The following SAMD14 variants were observed in gnomAD, a reference collection of about 807,000 sequenced individuals.
The protein encoded by SAMD14 is sterile alpha motif domain-containing protein 14.
Under a neutral mutation model 46.2 loss-of-function variants are expected in SAMD14, and 27 were observed. That is an observed-to-expected ratio of 0.58 (90% confidence interval 0.43 to 0.81). The LOEUF (loss-of-function observed/expected upper bound fraction) is 0.81, where lower values mean the gene tolerates loss of function less well. Ranked by LOEUF, SAMD14 falls within the 30% of genes least tolerant of loss-of-function variation. SAMD14 has a pLI of 0.00. For synonymous variants in SAMD14, 241 were observed against 254.3 expected (o/e 0.95, Z 0.50); for missense variants, 559 against 582.2 (o/e 0.96, Z 0.41).
At chr17:50,120,445 A>G (rs1911450569) in intron 2 of SAMD14, among the ~76,000 whole-genome samples, 1 of 152,134 alleles carries the variant, frequency 6.6e-6, no homozygotes, top group African/African-American at 2.4e-5. Flanking sequence ...AGCCTGGATT[A>G]TTACAAACAG....
At chr17:50,125,286 T>C (rs1911713628) in intron 1 of SAMD14, 1 of 335,640 alleles carries the variant, frequency 3.0e-6, no homozygotes, top group Non-Finnish European at 5.6e-6. Context: ...ACTGAACTTC[T>C]CCCCTTCACT....
chr17:50,112,734 T>C lies in SAMD14; in HGVS notation c.*159A>G. 1 of 835,866 alleles carries C rather than the reference T, an allele frequency of 1.2e-6. No individual in the cohort carries two copies. Among genetic ancestry groups the C allele is most frequent in the Non-Finnish European group, 1.8e-6 (1 of 552,964 alleles). 51.8% of individuals were successfully genotyped at this position (835,866 alleles called of 1,614,324 possible). A position where few individuals can be genotyped will look rare whatever the true frequency, so the allele number is the denominator to read the frequency against. Reference sequence around the variant, plus strand: ...GGTCTCCCTTTCTGGGGTCTCTGGGTCTAGACCAAGTGACAGGGTAAGAGA... The same window carrying C: ...GGTCTCCCTTTCTGGGGTCTCTGGGCCTAGACCAAGTGACAGGGTAAGAGA... On this transcript the variant is annotated 3_prime_UTR_variant, in exon 10 of 10. Transcript: ENST00000330175.
At chr17:50,118,853 A>G (rs905077469) in intron 2 of SAMD14, among the ~76,000 whole-genome samples, 2 of 152,218 alleles carry the variant, frequency 1.3e-5, no homozygotes, top group Non-Finnish European at 2.9e-5. Context: ...CTCTCACTCA[A>G]AACAACCCGG....
intron 1 of SAMD14, 88 bp from the exon 2 acceptor site, chr17:50,125,059 C>T: frequency 1.6e-6 from 2 of 1,215,230 alleles, no homozygotes; most frequent in South Asian, 1.2e-5. Context: ...TGGAAGGCTA[C>T]CTGCTCCAGG....
At chr17:50,123,254 G>A (rs542371153) in intron 2 of SAMD14, among the ~76,000 whole-genome samples, 2 of 152,346 alleles carry the variant, frequency 1.3e-5, no homozygotes, top group South Asian at 4.1e-4. Context: ...CTGTTGGTAA[G>A]CATTAAGCAT....
chr17:50,124,320 G>GTATT (rs1911646268), intron 2 of SAMD14, among the ~76,000 whole-genome samples: 1 of 152,092 alleles, frequency 6.6e-6, no homozygotes, highest in Non-Finnish European at 1.5e-5. Context: ...AGCATGAGGG[G>GTATT]GCCAGCCTGG....
At chr17:50,128,273 T>TC (rs1015132126) in intron 1 of SAMD14, among the ~76,000 whole-genome samples, 85 of 152,266 alleles carry the variant, frequency 5.6e-4, no homozygotes, top group African/African-American at 2.0e-3. Flanking sequence ...AAAGCCATTC[T>TC]CGGTCCATCC....
chr17:50,114,483 G>C (rs747702143), intron 7 of SAMD14, 177 bp from the exon 8 acceptor site: 20 of 1,581,858 alleles, frequency 1.3e-5, no homozygotes, highest in Non-Finnish European at 1.7e-5. Context: ...ATCAGGACCT[G>C]AAGCCTTTGG....
intron 7 of SAMD14, chr17:50,114,523 G>C: frequency 7.4e-7 from 1 of 1,347,596 alleles, no homozygotes; most frequent in Non-Finnish European, 1.0e-6. Flanking sequence ...GAGGACATGG[G>C]GCTAGAACCA....
In SAMD14 at chr17:50,115,507, C is replaced by T; in HGVS notation, c.822+57G>A. On this transcript the variant is annotated intron_variant, in intron 7 of 9. Coordinates refer to ENST00000330175, the MANE Select transcript of SAMD14 (RefSeq NM_001257359.2). The surrounding 1 kb of genome is among the most constrained non-coding windows in gnomAD (Gnocchi z 5.3). ...CCAGCCTGAGCCAAGGTGAAGTACG[C>T]CCTCATGTCACCTGAGACTGGGGGC... The T allele has an allele frequency of 6.7e-7, 1 of 1,497,968 alleles. No individual in the cohort carries two copies. The highest frequency in any genetic ancestry group is 1.4e-5 in the South Asian group (1 of 73,534). 92.8% of individuals were successfully genotyped at this position (1,497,968 alleles called of 1,614,324 possible). A position where few individuals can be genotyped will look rare whatever the true frequency, so the allele number is the denominator to read the frequency against.
At chr17:50,118,621 A>C (rs1302546107) in intron 2 of SAMD14, among the ~76,000 whole-genome samples, 1 of 152,188 alleles carries the variant, frequency 6.6e-6, no homozygotes, top group Admixed American at 6.5e-5. Context: ...GAAACACCAA[A>C]GCTGGGTTTT....
intron 1 of SAMD14, among the ~76,000 whole-genome samples, chr17:50,125,622 G>C (rs982421383): frequency 3.9e-5 from 6 of 152,040 alleles, no homozygotes; most frequent in African/African-American, 1.4e-4. Flanking sequence ...GCCGCCATCT[G>C]TCCATCCACC....
At chr17:50,116,227 TC>T (rs1256086113) in intron 4 of SAMD14, 137 bp from the exon 5 acceptor site, 40 of 1,383,456 alleles carry the variant, frequency 2.9e-5, no homozygotes, top group Non-Finnish European at 3.4e-5. Context: ...TAGCTGGGTG[TC>T]CTAGGATAAG....
chr17:50,122,675 G>A (rs951702593), intron 2 of SAMD14, among the ~76,000 whole-genome samples: 1 of 152,178 alleles, frequency 6.6e-6, no homozygotes, highest in African/African-American at 2.4e-5. Flanking sequence ...TCGAATGGAT[G>A]AAAAGACGGG....
At chr17:50,125,309 C>T (rs115476438) in intron 1 of SAMD14, 6 of 265,034 alleles carry the variant, frequency 2.3e-5, no homozygotes, top group African/African-American at 1.1e-4. Context: ...CTTGGGCCTT[C>T]GCATCATTAG....
chr17:50,116,007 G>A lies in SAMD14; in HGVS notation c.583C>T (p.Leu195=), dbSNP rs1226989795. 2.5e-6 allele frequency: 4 copies of A among 1,614,120 alleles called. No homozygotes were observed. Among genetic ancestry groups the A allele is most frequent in the Non-Finnish European group, 3.4e-6 (4 of 1,179,972 alleles). Residue 195 remains leucine (L), a synonymous_variant, in exon 5 of 10, where the codon CTG becomes TTG. Coordinates refer to ENST00000330175, the MANE Select transcript of SAMD14 (RefSeq NM_001257359.2). ...TCTAGCCCCGCCTCCACTCACCCCA[G>A]GTCCAGGAACTTTCGGCGAGTCTTC... is the stretch of plus-strand genomic sequence containing the variant. The part of the protein sequence containing the change: ...DKKTRRKFLD[L]GVTLRRASTG...
At chr17:50,118,514 G>C (rs1455424248) in intron 2 of SAMD14, among the ~76,000 whole-genome samples, 187 bp from the exon 3 acceptor site, 1 of 152,218 alleles carries the variant, frequency 6.6e-6, no homozygotes, top group East Asian at 1.9e-4. Flanking sequence ...GGGTGTGCAG[G>C]GGAAGCAGAA....
chr17:50,124,808 C>G (rs1397702318), intron 2 of SAMD14, 109 bp downstream of exon 2: 2 of 1,061,476 alleles, frequency 1.9e-6, no homozygotes, highest in Non-Finnish European at 2.9e-6. Context: ...CACACACACA[C>G]TCTGAAGCTG....
chr17:50,128,010 C>A (rs890298224), intron 1 of SAMD14, among the ~76,000 whole-genome samples: 1 of 152,168 alleles, frequency 6.6e-6, no homozygotes, highest in Non-Finnish European at 1.5e-5. Context: ...ATCTCCCCCC[C>A]ACCAATCAGA....
Sources: gnomAD v4.1 joint callset for allele counts (sites outside exome capture counted in the v4.1 genomes callset) on GRCh38, gnomAD v4.1.1 for gene constraint, Gnocchi (gnomAD v3.1) non-coding constraint, MANE v1.5 for transcripts, NCBI Gene and HGNC (gene_info 2026-07-23, HGNC 2026-07-21) for gene names.